PRORP: variants seen among roughly 807,000 people sequenced by gnomAD.
PRORP encodes protein only RNase P catalytic subunit.
In PRORP, 51 loss-of-function variants were observed where a neutral mutation model predicts 59.4. The observed-to-expected ratio is 0.86, with a 90% CI of 0.69 to 1.08. The LOEUF (loss-of-function observed/expected upper bound fraction) is 1.08, where lower values mean the gene tolerates loss of function less well. PRORP is among the 50% of genes least tolerant of loss of function. PRORP has a pLI of 0.00. For synonymous variants in PRORP, 231 were observed against 245.6 expected, an observed-to-expected ratio of 0.94 and a Z score of 0.55; for missense variants, 646 against 690.3, an observed-to-expected ratio of 0.94 and a Z score of 0.72.
At chr14:35,218,769 G>A (rs1015465246) in intron 5 of PRORP, among the ~76,000 whole-genome samples, 4 of 151,622 alleles carry the variant, frequency 2.6e-5, no homozygotes, top group Admixed American at 6.6e-5. Context: ...CAAGTGATCC[G>A]CCCACCTTCG....
intron 5 of PRORP, among the ~76,000 whole-genome samples, chr14:35,254,383 T>C (rs2050693579): frequency 6.7e-6 from 1 of 148,742 alleles, no homozygotes; most frequent in African/African-American, 2.6e-5. Flanking sequence ...GTTTGTTTGC[T>C]TGTTTGTTTG....
At chr14:35,244,238 T>A (rs1342790641) in intron 5 of PRORP, among the ~76,000 whole-genome samples, 1 of 152,202 alleles carries the variant, frequency 6.6e-6, no homozygotes, top group African/African-American at 2.4e-5. Context: ...TAATGTAATA[T>A]TTGCCAAATC....
chr14:35,197,336 A>G (rs907993132), intron 5 of PRORP, among the ~76,000 whole-genome samples: 4 of 152,136 alleles, frequency 2.6e-5, no homozygotes, highest in Non-Finnish European at 5.9e-5. Context: ...TTAACAAGAA[A>G]AGTTTAAATA....
Position 35,266,735 on chromosome 14 carries a change from T to G in PRORP, c.1284T>G (p.Asn428Lys). ...GGCTTTGTGTTTTTTAGCTCTTGAA[T>G]GTCGTCTCTCAACTAGCCAAACGGA... Reference protein sequence around the residue: ...PKVRESQLLLNVVSQLAKRNL... With the variant: ...PKVRESQLLLKVVSQLAKRNL... Residue 428 changes from asparagine (N) to lysine (K), a missense_variant, in exon 6 of 8, where the codon AAT becomes AAG. By Grantham distance (94) the Asn-to-Lys change is moderately conservative. Transcript: ENST00000534898. 1 of 1,613,812 alleles carries G rather than the reference T, an allele frequency of 6.2e-7. No homozygotes were observed. Among genetic ancestry groups the G allele is most frequent in the Non-Finnish European group, 8.5e-7 (1 of 1,179,894 alleles).
chr14:35,262,052 T>C (rs936173961), intron 5 of PRORP, among the ~76,000 whole-genome samples: 2 of 152,228 alleles, frequency 1.3e-5, no homozygotes, highest in African/African-American at 4.8e-5. Context: ...AGGCCATTTA[T>C]CTGAACCAGG....
chr14:35,202,387 G>C (rs530171798), intron 5 of PRORP, among the ~76,000 whole-genome samples: 1 of 152,092 alleles, frequency 6.6e-6, no homozygotes, highest in Non-Finnish European at 1.5e-5. Flanking sequence ...TCTGCCACTT[G>C]GTGTCACAAT....
intron 5 of PRORP, among the ~76,000 whole-genome samples, chr14:35,241,104 G>A (rs982653803): frequency 6.6e-6 from 1 of 152,146 alleles, no homozygotes; most frequent in South Asian, 2.1e-4. Context: ...AAGGCTAGGC[G>A]CAGTGGCTCA....
rs189132216 is a variant in PRORP, at chr14:35,140,760, T to C, written c.1167+13149T>C. Among the ~76,000 whole-genome samples, 6 of 145,924 alleles carry C rather than the reference T, an allele frequency of 4.1e-5. 1 individual carries two copies. The Admixed American group carries it at 4.3e-4, about 10-fold the overall frequency. ...AGCTAGAATCAAGGACAATTGCTTC[T>C]AATGTGAGATTTTGAGGAAACTTAA... On this transcript the variant is annotated intron_variant, in intron 4 of 7. Transcript: ENST00000534898.
At chr14:35,166,675 T>C (rs2048193226) in intron 4 of PRORP, among the ~76,000 whole-genome samples, 1 of 152,122 alleles carries the variant, frequency 6.6e-6, no homozygotes, top group South Asian at 2.1e-4. Flanking sequence ...ATGGTCTTGA[T>C]CTCTTGACCT....
At chr14:35,211,884 G>A (rs1212133944) in intron 5 of PRORP, among the ~76,000 whole-genome samples, 1 of 152,138 alleles carries the variant, frequency 6.6e-6, no homozygotes, top group Non-Finnish European at 1.5e-5. Context: ...TCTGTAGCAC[G>A]CAATGCTGTT....
At chr14:35,235,541 G>A in intron 5 of PRORP, 1 of 577,230 alleles carries the variant, frequency 1.7e-6, no homozygotes, top group Non-Finnish European at 3.3e-6. Flanking sequence ...CTCCTCCAAG[G>A]TGGTGATGGT....
rs899437877 is a variant in PRORP at position 35,233,163 on chromosome 14, G to GT, written c.1276-33558dup. 2.9e-5 allele frequency among the ~76,000 whole-genome samples: 4 copies of GT among 137,662 alleles called. 2 individuals are homozygous for GT. Among genetic ancestry groups the GT allele is most frequent in the Non-Finnish European group, 6.2e-5 (4 of 64,006 alleles). The allele number at this position is 137,662 out of a possible 152,430, so 90.3% of individuals were successfully genotyped here. On this transcript the variant is annotated intron_variant, in intron 5 of 7. Transcript: ENST00000534898. ...TTGATCATCATAAGCATCAGGCCCTGTTTTTTGCGCCAGGGATACACCAAT... is the reference window on the plus strand; with the variant it reads ...TTGATCATCATAAGCATCAGGCCCTGTTTTTTTGCGCCAGGGATACACCAAT...
At chr14:35,243,834 G>C (rs2050420092) in intron 5 of PRORP, among the ~76,000 whole-genome samples, 1 of 151,996 alleles carries the variant, frequency 6.6e-6, no homozygotes, top group Non-Finnish European at 1.5e-5. Context: ...GTGGTGATGT[G>C]TATAAGCACA....
At chr14:35,152,326 G>A (rs7144197) in intron 4 of PRORP, among the ~76,000 whole-genome samples, 119,215 of 151,926 alleles carry the variant, frequency 0.78, 47,167 homozygotes, top group Non-Finnish European at 0.84. Context: ...TCCCATGTCT[G>A]CTTCTTTCTA....
intron 5 of PRORP, chr14:35,262,313 A>G (rs570650133): frequency 3.3e-5 from 9 of 276,218 alleles, no homozygotes; most frequent in African/African-American, 1.8e-4. Flanking sequence ...GACCCAGCCT[A>G]TGTCTTTTGA....
At chr14:35,244,666 A>G (rs2050442546) in intron 5 of PRORP, among the ~76,000 whole-genome samples, 1 of 152,158 alleles carries the variant, frequency 6.6e-6, no homozygotes. Context: ...ATGTGTAAAG[A>G]CTGTTTTAAT....
chr14:35,136,115 A>T (rs958987456), intron 4 of PRORP, among the ~76,000 whole-genome samples: 1 of 152,124 alleles, frequency 6.6e-6, no homozygotes, highest in Non-Finnish European at 1.5e-5. Context: ...TGGGATGATG[A>T]GGGAAATGAA....
At chr14:35,246,370 T>C (rs556243537) in intron 5 of PRORP, among the ~76,000 whole-genome samples, 34 of 152,308 alleles carry the variant, frequency 2.2e-4, no homozygotes, top group African/African-American at 8.2e-4. Context: ...AAAAGCAATA[T>C]GTAACTGAGG....
chr14:35,152,558 C>T (rs1224732493), intron 4 of PRORP, among the ~76,000 whole-genome samples: 1 of 142,826 alleles, frequency 7.0e-6, no homozygotes. Context: ...CGGGTGGAGG[C>T]GCCCCCCACC....
Sources: gnomAD v4.1 joint callset for allele counts (sites outside exome capture counted in the v4.1 genomes callset) on GRCh38, gnomAD v4.1.1 for gene constraint, MANE v1.5 for transcripts, NCBI Gene and HGNC (gene_info 2026-07-23, HGNC 2026-07-21) for gene names.